The following ZNF322 variants were observed in gnomAD, a reference collection of about 807,000 sequenced individuals.
ZNF322 encodes the protein zinc finger protein 322.
A neutral mutation model predicts 18.3 loss-of-function variants in ZNF322; 1 was observed. The ratio of observed to expected loss-of-function variants is 0.05; its 90% confidence interval spans 0.02 to 0.26. The LOEUF is 0.26. Among genes scored for constraint, ZNF322 ranks in the 10% least tolerant of loss-of-function variants. The probability of loss-of-function intolerance (pLI) is 1.00; values close to 1 mark genes in which losing one functional copy is unlikely to be tolerated. For synonymous variants in ZNF322, 17 were observed against 130.7 expected (o/e 0.13, Z 5.93); for missense variants, 36 against 403.6 (o/e 0.09, Z 7.80).
rs1292135523 is a variant in ZNF322 at position 26,636,796 on chromosome 6, T to C, written c.*549A>G. 7.9e-6 allele frequency: 1 copy of C among 127,212 alleles called. No homozygotes were observed. The highest frequency in any genetic ancestry group is 2.7e-4 in the East Asian group (1 of 3,664). The allele number at this position is 127,212 out of a possible 1,614,324, so 7.9% of individuals were successfully genotyped here. On this transcript the variant is annotated 3_prime_UTR_variant, in exon 4 of 4. Transcript: ENST00000415922. ...AACCCAAGTAAGGCTCTCCAACGAA[T>C]GCTTTTGCCATACTTAAGACAAATA...
At chr6:26,658,337 G>A (rs1392390103) in intron 2 of ZNF322, among the ~76,000 whole-genome samples, 1 of 152,078 alleles carries the variant, frequency 6.6e-6, no homozygotes, top group Non-Finnish European at 1.5e-5. Flanking sequence ...AGCAATTACT[G>A]CAAGCCTAAT....
At chr6:26,642,476 A>G (rs1331699350) in intron 3 of ZNF322, among the ~76,000 whole-genome samples, 3 of 152,154 alleles carry the variant, frequency 2.0e-5, no homozygotes, top group African/African-American at 7.2e-5. Context: ...AAATACCCAC[A>G]GGTGTGGAGG....
chr6:26,657,644 T>G (rs1243453974), intron 2 of ZNF322, among the ~76,000 whole-genome samples: 1 of 152,182 alleles, frequency 6.6e-6, no homozygotes, highest in African/African-American at 2.4e-5. Context: ...GGGTTAGGAC[T>G]TAGTCTTTTG....
At chr6:26,646,929 T>A (rs1409343681) in intron 2 of ZNF322, among the ~76,000 whole-genome samples, 1 of 152,146 alleles carries the variant, frequency 6.6e-6, no homozygotes, top group African/African-American at 2.4e-5. Flanking sequence ...GTTAACAAAA[T>A]TTTTAAGTAT....
intron 2 of ZNF322, among the ~76,000 whole-genome samples, chr6:26,646,548 T>C (rs528289563): frequency 1.4e-4 from 22 of 152,004 alleles, no homozygotes; most frequent in Admixed American, 1.2e-3. Flanking sequence ...GAGAAACAGA[T>C]ACAAAGAAAC....
rs961086065 is a variant in ZNF322, at chr6:26,650,841, T to C, written c.-245-7113A>G. Among the ~76,000 whole-genome samples, 4 of 152,220 alleles carry C rather than the reference T, an allele frequency of 2.6e-5. No homozygotes were observed. In the South Asian group the frequency reaches 8.3e-4, roughly 32 times the overall value. ...ATCCATGGATAAGAAGATTCAATAT[T>C]GTCAAATAGTCAGTTCTTCCCAACT... On this transcript the variant is annotated intron_variant, in intron 2 of 3. Coordinates refer to ENST00000415922, the MANE Select transcript of ZNF322 (RefSeq NM_024639.5).
rs1243929974 is a variant in ZNF322 at position 26,649,699 on chromosome 6, ATATT to A, written c.-245-5975_-245-5972del. On this transcript the variant is annotated intron_variant, in intron 2 of 3. Transcript: ENST00000415922. ...TGTATATATATATATATATATATAT[ATATT>A]TTTTTTTTTTTTTTTTTGAGACTGA... 7.4e-4 allele frequency among the ~76,000 whole-genome samples: 49 copies of A among 66,594 alleles called. 3 individuals carry two copies. Among genetic ancestry groups the A allele is most frequent in the African/African-American group, 1.5e-3 (22 of 14,726 alleles). The allele number at this position is 66,594 out of a possible 152,430, so 43.7% of individuals were successfully genotyped here.
rs567271162 is a variant in ZNF322 at position 26,655,098 on chromosome 6, T to A, written c.-246+3460A>T. ...ACTACCAAATAAATGGCCTAAATAT[T>A]CAAAAAATGTCAAAGGTATGAAAGA... is the stretch of plus-strand genomic sequence containing the variant. On this transcript the variant is annotated intron_variant, in intron 2 of 3. Transcript: ENST00000415922. 3.7e-4 allele frequency among the ~76,000 whole-genome samples: 57 copies of A among 152,180 alleles called. No individual in the cohort carries two copies. In the South Asian group the frequency reaches 0.01, roughly 28 times the overall value.
intron 2 of ZNF322, among the ~76,000 whole-genome samples, chr6:26,649,691 ATATATATATATT>A (rs1765629680): frequency 2.8e-5 from 2 of 70,364 alleles, no homozygotes; most frequent in East Asian, 7.3e-4. Context: ...ATATATATAT[ATATATATATATT>A]TTTTTTTTTT....
At chr6:26,647,981 C>A (rs782316923) in intron 2 of ZNF322, among the ~76,000 whole-genome samples, 6 of 151,636 alleles carry the variant, frequency 4.0e-5, no homozygotes, top group Non-Finnish European at 8.8e-5. Flanking sequence ...TAGGCTCAAG[C>A]AATTCTCCTG....
chr6:26,644,641 G>A (rs144074010), intron 2 of ZNF322, among the ~76,000 whole-genome samples: 26 of 152,264 alleles, frequency 1.7e-4, no homozygotes, highest in African/African-American at 5.3e-4. Flanking sequence ...AACCAGCAGT[G>A]ATTTTATTTC....
intron 2 of ZNF322, among the ~76,000 whole-genome samples, chr6:26,645,809 A>G (rs1022938280): frequency 3.7e-4 from 56 of 152,144 alleles, no homozygotes; most frequent in Non-Finnish European, 6.9e-4. Flanking sequence ...AGGCAGGCGG[A>G]TCATATGAGG....
chr6:26,639,559 T>C (rs1554148116), intron 3 of ZNF322, among the ~76,000 whole-genome samples: 1 of 152,066 alleles, frequency 6.6e-6, no homozygotes, highest in Non-Finnish European at 1.5e-5. Flanking sequence ...AAGGATCAAG[T>C]ATCTTAAAAA....
intron 2 of ZNF322, among the ~76,000 whole-genome samples, chr6:26,645,281 C>G (rs1554148622): frequency 6.6e-6 from 1 of 152,114 alleles, no homozygotes. Flanking sequence ...TATACAAAGC[C>G]CACACTGTCA....
At chr6:26,643,187 T>A (rs1765495516) in intron 3 of ZNF322, among the ~76,000 whole-genome samples, 1 of 152,254 alleles carries the variant, frequency 6.6e-6, no homozygotes, top group South Asian at 2.1e-4. Context: ...TTCTTTCTTC[T>A]GCCTACAGCT....
At chr6:26,649,634 CATATGTGT>C (rs1765616525) in intron 2 of ZNF322, among the ~76,000 whole-genome samples, 1 of 93,732 alleles carries the variant, frequency 1.1e-5, no homozygotes, top group Non-Finnish European at 2.2e-5. Context: ...TATATACATA[CATATGTGT>C]GTGTGTGTGT....
chr6:26,646,703 A>G (rs1243725865), intron 2 of ZNF322, among the ~76,000 whole-genome samples: 1 of 152,208 alleles, frequency 6.6e-6, no homozygotes, highest in Non-Finnish European at 1.5e-5. Flanking sequence ...GTATGTCCTG[A>G]TAAGTACACA....
rs181277808 is a variant in ZNF322, at chr6:26,644,736, C to T, written c.-245-1008G>A. On this transcript the variant is annotated intron_variant, in intron 2 of 3. Coordinates refer to ENST00000415922, the MANE Select transcript of ZNF322 (RefSeq NM_024639.5). ...TATAGAAGTGAGGGAAGTTGTAAAA[C>T]GTAATTGTCAACTGAGACTTCTCAG... 5.9e-5 allele frequency among the ~76,000 whole-genome samples: 9 copies of T among 152,248 alleles called. No homozygotes were observed. The East Asian group carries it at 9.6e-4, about 16-fold the overall frequency.
At chr6:26,654,692 C>A in intron 2 of ZNF322, among the ~76,000 whole-genome samples, 1 of 150,996 alleles carries the variant, frequency 6.6e-6, no homozygotes. Context: ...ATTAGAAAAG[C>A]AAACAAATAT....
Sources: allele counts gnomAD v4.1 joint callset (sites outside exome capture counted in the v4.1 genomes callset), GRCh38; gene constraint gnomAD v4.1.1; transcripts MANE v1.5; gene names NCBI Gene and HGNC (gene_info 2026-07-23, HGNC 2026-07-21).